PRKCE: variants seen among roughly 807,000 people sequenced by gnomAD.
The protein encoded by PRKCE is protein kinase C epsilon type.
A neutral mutation model predicts 85.4 loss-of-function variants in PRKCE; 16 were observed. The observed-to-expected ratio is 0.19, with a 90% CI of 0.13 to 0.28. The LOEUF (loss-of-function observed/expected upper bound fraction) is 0.28, where lower values mean the gene tolerates loss of function less well. Ranked by LOEUF, PRKCE falls within the 10% of genes least tolerant of loss-of-function variation. PRKCE has a pLI of 1.00. For missense variants in PRKCE, 573 were observed against 975.2 expected, an observed-to-expected ratio of 0.59 and a Z score of 5.49; for synonymous variants, 388 against 371.5, an observed-to-expected ratio of 1.04 and a Z score of -0.51.
intron 2 of PRKCE, among the ~76,000 whole-genome samples, chr2:45,938,810 C>A (rs1405669018): frequency 6.6e-6 from 1 of 152,226 alleles, no homozygotes; most frequent in African/African-American, 2.4e-5. Context: ...ATCTACAGTT[C>A]TCTCAAACAT....
At chr2:46,007,310 A>C in intron 8 of PRKCE, 152 bp from the exon 9 acceptor site, 3 of 729,950 alleles carry the variant, frequency 4.1e-6, no homozygotes, top group Non-Finnish European at 6.8e-6. Flanking sequence ...TGAACAGATG[A>C]AGGAACATAC....
intron 10 of PRKCE, among the ~76,000 whole-genome samples, chr2:46,027,329 C>G (rs1026660925): frequency 6.6e-6 from 1 of 151,898 alleles, no homozygotes; most frequent in Non-Finnish European, 1.5e-5. Flanking sequence ...GAGTGAGACC[C>G]TATCTCAAAA....
chr2:45,685,624 C>CA (rs879558388), intron 1 of PRKCE: 4,837 of 140,692 alleles, frequency 0.034, 82 homozygotes, highest in Non-Finnish European at 0.044. Flanking sequence ...ACCCCAGCTC[C>CA]AAAAAAAAAA....
At chr2:45,859,289 T>C (rs1481734062) in intron 2 of PRKCE, among the ~76,000 whole-genome samples, 2 of 152,236 alleles carry the variant, frequency 1.3e-5, no homozygotes, top group Non-Finnish European at 2.9e-5. Context: ...AATAGTATAT[T>C]ATGGGGGTGT....
At chr2:46,021,989 C>T (rs77746773) in intron 10 of PRKCE, among the ~76,000 whole-genome samples, 2,979 of 152,104 alleles carry the variant, frequency 0.02, 102 homozygotes, top group African/African-American at 0.068. Context: ...CCATATAACC[C>T]GAACTTTTTG....
intron 10 of PRKCE, among the ~76,000 whole-genome samples, chr2:46,085,741 TTTTTTTTGTTTTTG>T (rs1371763981): frequency 1.7e-4 from 5 of 28,884 alleles, no homozygotes; most frequent in Non-Finnish European, 3.7e-4. Flanking sequence ...AATCCGTTTT[TTTTTTTTGTTTTTG>T]TTTTTTTTTT....
At chr2:46,055,940 G>T (rs539889628) in intron 10 of PRKCE, among the ~76,000 whole-genome samples, 1 of 152,340 alleles carries the variant, frequency 6.6e-6, no homozygotes, top group African/African-American at 2.4e-5. Context: ...TGGGATTACA[G>T]GTGTGAGTCA....
At chr2:45,956,780 T>C (rs1335200487) in intron 2 of PRKCE, among the ~76,000 whole-genome samples, 3 of 152,230 alleles carry the variant, frequency 2.0e-5, no homozygotes, top group East Asian at 3.8e-4. Context: ...AATGCTGAAA[T>C]TGCATGTTCA....
At chr2:45,904,013 C>T (rs368046450) in intron 2 of PRKCE, among the ~76,000 whole-genome samples, 2 of 151,838 alleles carry the variant, frequency 1.3e-5, no homozygotes, top group East Asian at 1.9e-4. Context: ...AAGCGATTCT[C>T]GTGCCTCACC....
In PRKCE at chr2:45,662,301, C is replaced by T. The variant is rs550348544; in HGVS notation, c.348+9853C>T. Reference sequence around the variant, plus strand: ...TTGCTCTCAGAGAGCATACACTCTACTAGGAGACACGACATTAATCAAAGA... The same window carrying T: ...TTGCTCTCAGAGAGCATACACTCTATTAGGAGACACGACATTAATCAAAGA... On this transcript the variant is annotated intron_variant, in intron 1 of 14. Coordinates refer to ENST00000306156, the MANE Select transcript of PRKCE (RefSeq NM_005400.3). Among the ~76,000 whole-genome samples, 17 of 152,286 alleles carry T rather than the reference C, an allele frequency of 1.1e-4. No individual in the cohort carries two copies. The South Asian group carries it at 3.5e-3, about 32-fold the overall frequency.
At chr2:46,030,526 C>G (rs987102513) in intron 10 of PRKCE, among the ~76,000 whole-genome samples, 3 of 152,130 alleles carry the variant, frequency 2.0e-5, no homozygotes, top group Non-Finnish European at 2.9e-5. Context: ...ACCATGCCCC[C>G]CTCCCTGGGG....
chr2:45,693,557 C>A (rs1436716442), intron 1 of PRKCE, among the ~76,000 whole-genome samples: 1 of 152,168 alleles, frequency 6.6e-6, no homozygotes, highest in Non-Finnish European at 1.5e-5. Context: ...GAGATGGTCA[C>A]CCAGCAGGGC....
At chr2:45,966,397 G>A (rs1701734179) in intron 2 of PRKCE, among the ~76,000 whole-genome samples, 1 of 152,162 alleles carries the variant, frequency 6.6e-6, no homozygotes, top group Non-Finnish European at 1.5e-5. Context: ...GTGTCAGATA[G>A]TAGTACCTCA....
intron 2 of PRKCE, among the ~76,000 whole-genome samples, chr2:45,906,574 G>A (rs562523973): frequency 6.6e-6 from 1 of 152,130 alleles, no homozygotes; most frequent in African/African-American, 2.4e-5. Context: ...CTGGTTTTGA[G>A]CATGGGCCTG....
chr2:45,823,210 G>T (rs192860484), intron 1 of PRKCE, among the ~76,000 whole-genome samples: 126 of 152,328 alleles, frequency 8.3e-4, no homozygotes, highest in Middle Eastern at 6.8e-3. Context: ...CCAGGCCTGG[G>T]ATTCTTAAGG....
chr2:46,086,372 TCTCTC>T lies in PRKCE; in HGVS notation c.1592+14_1592+18del. The T allele has an allele frequency of 1.9e-6, 3 of 1,592,828 alleles. No homozygotes were observed. Among genetic ancestry groups the T allele is most frequent in the Non-Finnish European group, 2.6e-6 (3 of 1,175,556 alleles). On this transcript the variant is annotated intron_variant, in intron 11 of 14. Coordinates refer to ENST00000306156, the MANE Select transcript of PRKCE (RefSeq NM_005400.3). ...ATGGAGTCATCTACAGGTAGCCTCTTCTCTCCTCCTCTTTCCTGAAAGTGAAGAAA... is the reference window on the plus strand; with the variant it reads ...ATGGAGTCATCTACAGGTAGCCTCTTCTCCTCTTTCCTGAAAGTGAAGAAA...
intron 1 of PRKCE, among the ~76,000 whole-genome samples, chr2:45,776,105 T>G (rs1447909926): frequency 6.6e-6 from 1 of 152,264 alleles, no homozygotes; most frequent in East Asian, 1.9e-4. Flanking sequence ...GTGCAGAGTA[T>G]GTACTTATCA....
chr2:45,756,331 C>T (rs180752637), intron 1 of PRKCE, among the ~76,000 whole-genome samples: 1 of 152,216 alleles, frequency 6.6e-6, no homozygotes, highest in Non-Finnish European at 1.5e-5. Flanking sequence ...AGGGGTTCTG[C>T]TGGAAAGGAA....
Position 46,184,778 on chromosome 2 carries a change from G to A in PRKCE, c.2111G>A (p.Arg704Gln), listed in dbSNP as rs775321308. The A allele has an allele frequency of 6.3e-6, 10 of 1,599,720 alleles. No homozygotes were observed. Among genetic ancestry groups the A allele is most frequent in the South Asian group, 3.3e-5 (3 of 91,086 alleles). ...DVNNFDQDFTREEPVLTLVDE... is the reference protein window; with the variant it reads ...DVNNFDQDFTQEEPVLTLVDE... ...AATAATTTTGACCAAGACTTTACCC[G>A]GGAAGAGCCGGTACTCACCCTTGTG... Residue 704 changes from arginine (R) to glutamine (Q), a missense_variant, in exon 15 of 15, where the codon CGG becomes CAG. Physicochemically the swap from Arg to Gln is conservative, Grantham distance 43 (BLOSUM62 1). Around this residue, in one of 11 missense-constraint regions of PRKCE, gnomAD observed 72 missense variants for 166.0 expected, o/e 0.43. Coordinates refer to ENST00000306156, the MANE Select transcript of PRKCE (RefSeq NM_005400.3). This position sits in a 1 kb window ranked among gnomAD's most constrained non-coding sequence, Gnocchi z 5.0.
Sources: gnomAD v4.1 joint callset for allele counts (sites outside exome capture counted in the v4.1 genomes callset) on GRCh38, gnomAD v4.1.1 for gene constraint, gnomAD v4.1.1 regional missense constraint, Gnocchi (gnomAD v3.1) non-coding constraint, MANE v1.5 for transcripts, NCBI Gene and HGNC (gene_info 2026-07-23, HGNC 2026-07-21) for gene names.